The following GRIK2 variants were observed in gnomAD, a reference collection of about 807,000 sequenced individuals.
The protein encoded by GRIK2 is glutamate receptor ionotropic, kainate 2.
GRIK2 carries 32 observed loss-of-function variants against 100.3 expected under a neutral mutation model. The ratio of observed to expected loss-of-function variants is 0.32; its 90% confidence interval spans 0.24 to 0.43. GRIK2 has a LOEUF of 0.43. Ranked by LOEUF, GRIK2 falls within the 20% of genes least tolerant of loss-of-function variation. The pLI, the probability that GRIK2 is intolerant of heterozygous loss-of-function variation, is 1.00. For synonymous variants in GRIK2, 417 were observed against 389.4 expected, an observed-to-expected ratio of 1.07 and a Z score of -0.83; for missense variants, 843 against 1,114.9, an observed-to-expected ratio of 0.76 and a Z score of 3.47.
chr6:101,663,388 CA>C, intron 4 of GRIK2, among the ~76,000 whole-genome samples: 1 of 152,222 alleles, frequency 6.6e-6, no homozygotes, highest in Middle Eastern at 3.4e-3. Context: ...TACATCTGAA[CA>C]GGTTGTCAGG....
In GRIK2 at chr6:101,923,413, T is replaced by G. The variant is rs1021844962; in HGVS notation, c.1749-1188T>G. ...ATAATTCCATTAATTGATAAATATA[T>G]CTGGATTATAATTAGCATAAATTAT... is the stretch of plus-strand genomic sequence containing the variant. On this transcript the variant is annotated intron_variant, in intron 12 of 16. Coordinates refer to ENST00000369134, the MANE Select transcript of GRIK2 (RefSeq NM_021956.5). 7.2e-5 allele frequency among the ~76,000 whole-genome samples: 11 copies of G among 152,304 alleles called. 1 individual carries two copies. The Middle Eastern group carries it at 0.01, about 141-fold the overall frequency.
rs76531683 is a variant in GRIK2 at position 101,583,736 on chromosome 6, G to A, written c.116-38213G>A. Reference sequence around the variant, plus strand: ...GGGGACAGAAAAAAACTTGTTTAGTGATAACTAATGCAACTGGCTTTTTTT... The same window carrying A: ...GGGGACAGAAAAAAACTTGTTTAGTAATAACTAATGCAACTGGCTTTTTTT... On this transcript the variant is annotated intron_variant, in intron 2 of 16. Coordinates refer to ENST00000369134, the MANE Select transcript of GRIK2 (RefSeq NM_021956.5). 3.6e-3 allele frequency among the ~76,000 whole-genome samples: 544 copies of A among 152,190 alleles called. 2 individuals carry two copies. Among genetic ancestry groups the A allele is most frequent in the Non-Finnish European group, 6.4e-3 (438 of 67,988 alleles).
chr6:101,608,252 T>C (rs1310151247), intron 2 of GRIK2, among the ~76,000 whole-genome samples: 1 of 151,876 alleles, frequency 6.6e-6, no homozygotes, highest in East Asian at 1.9e-4. Flanking sequence ...TTATTAGCCA[T>C]ATATTCTGAA....
chr6:101,589,310 A>G (rs1208973335), intron 2 of GRIK2, among the ~76,000 whole-genome samples: 1 of 152,132 alleles, frequency 6.6e-6, no homozygotes, highest in Admixed American at 6.6e-5. Flanking sequence ...TGTGGTGGCA[A>G]CACCGTCTAC....
chr6:101,852,203 C>T (rs1784173486), intron 10 of GRIK2, among the ~76,000 whole-genome samples: 1 of 152,014 alleles, frequency 6.6e-6, no homozygotes, highest in South Asian at 2.1e-4. Context: ...ACAAAACAAA[C>T]TCTGTATTTG....
At chr6:102,007,449 T>A (rs1795299567) in intron 14 of GRIK2, among the ~76,000 whole-genome samples, 1 of 152,154 alleles carries the variant, frequency 6.6e-6, no homozygotes, top group African/African-American at 2.4e-5. Flanking sequence ...TCCTGCCACC[T>A]TCACTTTGTG....
At chr6:101,752,594 A>C (rs1238929101) in intron 7 of GRIK2, among the ~76,000 whole-genome samples, 1 of 152,228 alleles carries the variant, frequency 6.6e-6, no homozygotes, top group East Asian at 1.9e-4. Context: ...CAATAATTTA[A>C]TCTTCTATTT....
intron 2 of GRIK2, among the ~76,000 whole-genome samples, chr6:101,485,551 A>G (rs1016840595): frequency 2.0e-5 from 3 of 152,136 alleles, no homozygotes; most frequent in Non-Finnish European, 4.4e-5. Context: ...ATAAGCTTGT[A>G]TGTTAGTCAT....
Position 101,510,646 on chromosome 6 carries a change from C to T in GRIK2, c.115+111254C>T, listed in dbSNP as rs548276805. Reference sequence around the variant, plus strand: ...CAAGTGATTCTCCTGCCTCAGCCTCCCGAGTAGCTGGGATTACAGGCACCT... The same window carrying T: ...CAAGTGATTCTCCTGCCTCAGCCTCTCGAGTAGCTGGGATTACAGGCACCT... On this transcript the variant is annotated intron_variant, in intron 2 of 16. Coordinates refer to ENST00000369134, the MANE Select transcript of GRIK2 (RefSeq NM_021956.5). Among the ~76,000 whole-genome samples the T allele has an allele frequency of 9.3e-5, 14 of 150,896 alleles. No individual in the cohort carries two copies. The South Asian group carries it at 3.0e-3, about 32-fold the overall frequency.
intron 10 of GRIK2, among the ~76,000 whole-genome samples, chr6:101,856,315 CAT>C (rs977045767): frequency 2.0e-5 from 3 of 152,030 alleles, no homozygotes; most frequent in Non-Finnish European, 4.4e-5. Context: ...AAACTGAAAA[CAT>C]GTAAAAGTTT....
chr6:101,633,967 AGTT>A (rs1466345978), intron 4 of GRIK2, among the ~76,000 whole-genome samples: 3 of 152,092 alleles, frequency 2.0e-5, no homozygotes, highest in Non-Finnish European at 2.9e-5. Context: ...ACATGATGTT[AGTT>A]GTTGTTTTAT....
chr6:101,859,433 T>C lies in GRIK2; in HGVS notation c.1464T>C (p.Tyr488=), dbSNP rs745967493. 32 of 1,610,744 alleles carry C rather than the reference T, an allele frequency of 2.0e-5. No homozygotes were observed. Among genetic ancestry groups the C allele is most frequent in the Non-Finnish European group, 2.4e-5 (28 of 1,177,184 alleles). The part of the protein sequence containing the change: ...YEIRLVEDGK[Y]GAQDDANGQW... The stretch of plus-strand genomic sequence containing the variant: ...TTAGACTTGTGGAAGATGGGAAATA[T>C]GGAGCCCAGGATGATGCCAATGGAC... Residue 488 remains tyrosine (Y), a synonymous_variant, in exon 11 of 17, where the codon TAT becomes TAC. Coordinates refer to ENST00000369134, the MANE Select transcript of GRIK2 (RefSeq NM_021956.5).
chr6:101,956,043 C>T (rs535278668), intron 14 of GRIK2, among the ~76,000 whole-genome samples: 1 of 152,092 alleles, frequency 6.6e-6, no homozygotes, highest in African/African-American at 2.4e-5. Flanking sequence ...TTATAAATTT[C>T]TCTCTAAGCA....
intron 14 of GRIK2, among the ~76,000 whole-genome samples, chr6:102,026,336 T>C (rs1469596229): frequency 1.3e-5 from 2 of 150,774 alleles, no homozygotes; most frequent in African/African-American, 4.8e-5. Flanking sequence ...CACGATATTG[T>C]TAAAGAAGCT....
At chr6:101,719,644 G>C (rs933429035) in intron 7 of GRIK2, among the ~76,000 whole-genome samples, 3 of 151,932 alleles carry the variant, frequency 2.0e-5, no homozygotes, top group Non-Finnish European at 4.4e-5. Flanking sequence ...ATTTTATTTG[G>C]AATTTTTGTG....
intron 2 of GRIK2, among the ~76,000 whole-genome samples, chr6:101,584,263 T>G (rs1429759134): frequency 6.6e-6 from 1 of 152,052 alleles, no homozygotes; most frequent in Non-Finnish European, 1.5e-5. Flanking sequence ...AGGCAAACTT[T>G]CTCCTCTCAG....
At chr6:101,972,481 C>T (rs754896437) in intron 14 of GRIK2, among the ~76,000 whole-genome samples, 5 of 151,620 alleles carry the variant, frequency 3.3e-5, no homozygotes, top group Admixed American at 6.6e-5. Context: ...ATTTTAGTTC[C>T]TTATGGATTC....
chr6:101,988,130 TGTGCGCGCGCGCGCGCGCGCGCGC>T (rs1397166122), intron 14 of GRIK2, among the ~76,000 whole-genome samples: 14 of 20,706 alleles, frequency 6.8e-4, no homozygotes, highest in Admixed American at 2.5e-3. Flanking sequence ...TGTGTGTGTG[TGTGCGCGCGCGCGCGCGCGCGCGC>T]GTGCGCGCAC....
At chr6:101,944,686 G>GA (rs951366053) in intron 14 of GRIK2, among the ~76,000 whole-genome samples, 1 of 151,556 alleles carries the variant, frequency 6.6e-6, no homozygotes, top group East Asian at 1.9e-4. Flanking sequence ...AATTTCAAAA[G>GA]AAAAAAATAT....
Sources: gnomAD v4.1 joint callset for allele counts (sites outside exome capture counted in the v4.1 genomes callset) on GRCh38, gnomAD v4.1.1 for gene constraint, MANE v1.5 for transcripts, NCBI Gene and HGNC (gene_info 2026-07-23, HGNC 2026-07-21) for gene names.